PALLD: variants seen among roughly 807,000 people sequenced by gnomAD.
PALLD encodes the protein palladin.
PALLD carries 61 observed loss-of-function variants against 123.5 expected under a neutral mutation model. The ratio of observed to expected loss-of-function variants is 0.49; its 90% confidence interval spans 0.40 to 0.61. The LOEUF is 0.61. PALLD is among the 20% of genes least tolerant of loss of function. PALLD has a pLI of 0.00. For missense variants in PALLD, 1,273 were observed against 1,377.0 expected, an observed-to-expected ratio of 0.92 and a Z score of 1.20; for synonymous variants, 465 against 496.4, an observed-to-expected ratio of 0.94 and a Z score of 0.84.
intron 10 of PALLD, among the ~76,000 whole-genome samples, chr4:168,730,419 T>C (rs899761356): frequency 2.0e-5 from 3 of 152,178 alleles, no homozygotes; most frequent in Admixed American, 6.6e-5. Flanking sequence ...ATTGTTATTG[T>C]CATTTTGTTT....
intron 10 of PALLD, among the ~76,000 whole-genome samples, chr4:168,884,205 C>G (rs1753028338): frequency 6.6e-6 from 1 of 152,220 alleles, no homozygotes; most frequent in South Asian, 2.1e-4. Flanking sequence ...TCTCACCTTG[C>G]ATGCTACCCC....
At chr4:168,616,713 G>A (rs1774253338) in intron 2 of PALLD, among the ~76,000 whole-genome samples, 2 of 152,130 alleles carry the variant, frequency 1.3e-5, no homozygotes. Flanking sequence ...CCCATCCCAA[G>A]TCTGCTAAAT....
intron 2 of PALLD, among the ~76,000 whole-genome samples, chr4:168,657,292 A>T (rs1235092151): frequency 6.6e-6 from 1 of 152,174 alleles, no homozygotes; most frequent in African/African-American, 2.4e-5. Context: ...ACTTTGTTTA[A>T]CCCAGTGCTT....
At chr4:168,779,960 G>A (rs910498110) in intron 10 of PALLD, among the ~76,000 whole-genome samples, 1 of 149,996 alleles carries the variant, frequency 6.7e-6, no homozygotes, top group African/African-American at 2.5e-5. Context: ...CTGCAGTGGC[G>A]TGATCTCAGC....
chr4:168,614,955 C>A (rs954647088), intron 2 of PALLD, among the ~76,000 whole-genome samples: 3 of 152,044 alleles, frequency 2.0e-5, no homozygotes, highest in Admixed American at 6.5e-5. Context: ...GTATTTAAAA[C>A]ACAATGGCAG....
At chr4:168,631,847 C>T (rs757415018) in intron 2 of PALLD, 11 of 985,340 alleles carry the variant, frequency 1.1e-5, no homozygotes, top group African/African-American at 1.7e-5. Context: ...TCTGAAAGAC[C>T]CCCAAGAGGA....
chr4:168,501,918 C>T (rs1761446936), intron 1 of PALLD, among the ~76,000 whole-genome samples: 1 of 151,586 alleles, frequency 6.6e-6, no homozygotes, highest in Admixed American at 6.6e-5. Flanking sequence ...AGGCTGTATG[C>T]AATAAAAGCA....
chr4:168,891,493 T>C (rs1014294325), intron 11 of PALLD, among the ~76,000 whole-genome samples: 4 of 152,118 alleles, frequency 2.6e-5, no homozygotes, highest in Admixed American at 1.3e-4. Context: ...TCTCAACATT[T>C]CTCTTGATAT....
intron 1 of PALLD, among the ~76,000 whole-genome samples, chr4:168,503,170 C>A (rs533578580): frequency 6.6e-6 from 1 of 152,314 alleles, no homozygotes; most frequent in East Asian, 1.9e-4. Context: ...ATTGGGCTCA[C>A]AGTTGAATGA....
chr4:168,574,935 T>A (rs575241698), intron 2 of PALLD, among the ~76,000 whole-genome samples: 1 of 152,196 alleles, frequency 6.6e-6, no homozygotes, highest in African/African-American at 2.4e-5. Flanking sequence ...AAATGAGAGA[T>A]CAACATTCAC....
At chr4:168,740,557 G>C (rs979747072) in intron 10 of PALLD, among the ~76,000 whole-genome samples, 1 of 152,068 alleles carries the variant, frequency 6.6e-6, no homozygotes. Flanking sequence ...GGCGCTTTCA[G>C]AATAATTAAG....
chr4:168,600,074 C>CATACATGTGTAT (rs1561291310), intron 2 of PALLD, among the ~76,000 whole-genome samples: 4 of 64,444 alleles, frequency 6.2e-5, no homozygotes, highest in Admixed American at 5.9e-4. Context: ...CATGTGTATA[C>CATACATGTGTAT]ACACACATAT....
At chr4:168,498,461 G>A (rs1217525062) in intron 1 of PALLD, among the ~76,000 whole-genome samples, 1 of 152,180 alleles carries the variant, frequency 6.6e-6, no homozygotes, top group African/African-American at 2.4e-5. Context: ...TTTTAAAAAT[G>A]TAGAGGGCAA....
intron 2 of PALLD, among the ~76,000 whole-genome samples, chr4:168,619,075 C>T (rs967570526): frequency 8.5e-5 from 13 of 152,180 alleles, no homozygotes; most frequent in African/African-American, 3.1e-4. Flanking sequence ...CACACTGGGC[C>T]AGGTCTGTAT....
At chr4:168,672,106 T>C (rs1322502567) in intron 3 of PALLD, among the ~76,000 whole-genome samples, 1 of 152,216 alleles carries the variant, frequency 6.6e-6, no homozygotes, top group African/African-American at 2.4e-5. Context: ...TAAAATTTTC[T>C]TATTTTTTTA....
chr4:168,803,318 T>C (rs1739635326), intron 10 of PALLD, among the ~76,000 whole-genome samples: 1 of 152,108 alleles, frequency 6.6e-6, no homozygotes, highest in Non-Finnish European at 1.5e-5. Context: ...CCACACACTC[T>C]TAAACAACCA....
At chr4:168,645,087 G>C (rs1355129666) in intron 2 of PALLD, among the ~76,000 whole-genome samples, 1 of 137,704 alleles carries the variant, frequency 7.3e-6, no homozygotes, top group Non-Finnish European at 1.5e-5. Context: ...GACAGTGTGC[G>C]ACACAGTCTC....
At chr4:168,521,783 G>A (rs1307614152) in intron 2 of PALLD, among the ~76,000 whole-genome samples, 1 of 152,190 alleles carries the variant, frequency 6.6e-6, no homozygotes, top group Non-Finnish European at 1.5e-5. Context: ...TATTTGTTGA[G>A]TCCTAGATTT....
intron 2 of PALLD, among the ~76,000 whole-genome samples, chr4:168,575,532 C>T (rs1219341608): frequency 2.6e-5 from 4 of 151,968 alleles, no homozygotes; most frequent in African/African-American, 9.7e-5. Flanking sequence ...TGGGTGGGGA[C>T]ACAGAGCCAA....
Sources: allele counts gnomAD v4.1 joint callset (sites outside exome capture counted in the v4.1 genomes callset), GRCh38; gene constraint gnomAD v4.1.1; transcripts MANE v1.5; gene names NCBI Gene and HGNC (gene_info 2026-07-23, HGNC 2026-07-21).